The following CAMK2D variants were observed in gnomAD, a reference collection of about 807,000 sequenced individuals.
The protein encoded by CAMK2D is calcium/calmodulin-dependent protein kinase type II subunit delta.
Under a neutral mutation model 84.0 loss-of-function variants are expected in CAMK2D, and 37 were observed. The ratio of observed to expected loss-of-function variants is 0.44; its 90% CI spans 0.34 to 0.58. The LOEUF (loss-of-function observed/expected upper bound fraction) is 0.58. CAMK2D is among the 20% of genes least tolerant of loss of function. The pLI is 0.02. For missense variants in CAMK2D, 448 were observed against 652.5 expected, an observed-to-expected ratio of 0.69 and a Z score of 3.41; for synonymous variants, 202 against 212.5, an observed-to-expected ratio of 0.95 and a Z score of 0.43.
chr4:113,476,629 C>A (rs976138820), intron 16 of CAMK2D, among the ~76,000 whole-genome samples: 4 of 152,142 alleles, frequency 2.6e-5, no homozygotes, highest in Non-Finnish European at 2.9e-5. Context: ...ATGGTAGAGT[C>A]TTGAATTTGC....
intron 2 of CAMK2D, among the ~76,000 whole-genome samples, chr4:113,681,726 C>T (rs944714619): frequency 6.6e-6 from 1 of 152,092 alleles, no homozygotes; most frequent in East Asian, 1.9e-4. Context: ...ATCATAACTG[C>T]AGGGGCAAAG....
intron 4 of CAMK2D, among the ~76,000 whole-genome samples, chr4:113,599,738 C>T (rs947138824): frequency 2.0e-4 from 30 of 152,178 alleles, no homozygotes; most frequent in African/African-American, 6.7e-4. Context: ...ATACTGTATT[C>T]TTAAAATAAA....
chr4:113,640,235 G>A (rs756012030), intron 3 of CAMK2D, among the ~76,000 whole-genome samples: 1 of 152,138 alleles, frequency 6.6e-6, no homozygotes, highest in Non-Finnish European at 1.5e-5. Flanking sequence ...CCACTAGCTA[G>A]TAGGAAACGT....
At chr4:113,712,074 C>A (rs7439653) in intron 2 of CAMK2D, among the ~76,000 whole-genome samples, 30,830 of 151,980 alleles carry the variant, frequency 0.2, 6,217 homozygotes, top group African/African-American at 0.52. Flanking sequence ...GAAATTCATT[C>A]TTTTAGTGTA....
At chr4:113,483,712 A>AT (rs1216090116) in intron 16 of CAMK2D, among the ~76,000 whole-genome samples, 2 of 151,896 alleles carry the variant, frequency 1.3e-5, no homozygotes, top group South Asian at 2.1e-4. Context: ...GGCCGTATTT[A>AT]TTTTTTTAAT....
chr4:113,639,889 C>T (rs770409678), intron 3 of CAMK2D, among the ~76,000 whole-genome samples: 1 of 151,818 alleles, frequency 6.6e-6, no homozygotes, highest in Non-Finnish European at 1.5e-5. Flanking sequence ...GTGACAGATC[C>T]GAGTTGCATT....
chr4:113,751,547 G>A (rs1382547410), intron 2 of CAMK2D, among the ~76,000 whole-genome samples: 1 of 152,124 alleles, frequency 6.6e-6, no homozygotes, highest in Non-Finnish European at 1.5e-5. Context: ...CTAAGTGGGT[G>A]GATCACGAGG....
Position 113,512,353 on chromosome 4 carries a change from C to T in CAMK2D, c.946+975G>A, listed in dbSNP as rs538024431. Reference sequence around the variant, plus strand: ...AGTGACGCTTACAATAAAGAAATGGCTTGGCTTCTTTAAGCCTATTATTTA... The same window carrying T: ...AGTGACGCTTACAATAAAGAAATGGTTTGGCTTCTTTAAGCCTATTATTTA... On this transcript the variant is annotated intron_variant, in intron 12 of 20. Coordinates refer to ENST00000511664, the MANE Select transcript of CAMK2D (RefSeq NM_001321571.2). Among the ~76,000 whole-genome samples the T allele has an allele frequency of 2.6e-5, 4 of 152,300 alleles. No individual in the cohort carries two copies. In the South Asian group the frequency reaches 8.3e-4, roughly 32 times the overall value.
intron 16 of CAMK2D, among the ~76,000 whole-genome samples, chr4:113,483,176 A>T (rs2097722287): frequency 6.6e-6 from 1 of 152,238 alleles, no homozygotes; most frequent in South Asian, 2.1e-4. Flanking sequence ...TTCATTGAAG[A>T]GGATACTATA....
intron 2 of CAMK2D, among the ~76,000 whole-genome samples, chr4:113,757,551 T>C (rs1015238528): frequency 4.6e-5 from 7 of 152,080 alleles, no homozygotes; most frequent in African/African-American, 1.4e-4. Context: ...TTAAGAAACT[T>C]GCCCAAAGTC....
At chr4:113,635,975 A>G (rs926774078) in intron 3 of CAMK2D, among the ~76,000 whole-genome samples, 4 of 152,230 alleles carry the variant, frequency 2.6e-5, no homozygotes, top group Non-Finnish European at 5.9e-5. Context: ...AATATTTTAA[A>G]TAACATTCCT....
chr4:113,541,224 G>A (rs2098528069), intron 6 of CAMK2D, among the ~76,000 whole-genome samples: 1 of 152,156 alleles, frequency 6.6e-6, no homozygotes, highest in Admixed American at 6.5e-5. Context: ...ATGAGGTAGG[G>A]AGGCCCAAAA....
In CAMK2D at chr4:113,679,367, TCTA is replaced by T. The variant is rs1234836696; in HGVS notation, c.161-17598_161-17596del. ...CAAAATTTAGACTCTTATCCTCTTC[TCTA>T]CTAACACATGCGGTTGTTTTTTAAA... On this transcript the variant is annotated intron_variant, in intron 2 of 20. Transcript: ENST00000511664. The T allele has an allele frequency of 1.9e-5, 11 of 584,010 alleles. No individual in the cohort carries two copies. In the African/African-American group the frequency reaches 2.2e-4, roughly 12 times the overall value. The allele number at this position is 584,010 out of a possible 1,614,324, so 36.2% of individuals were successfully genotyped here.
At chr4:113,600,349 T>G (rs2098946573) in intron 4 of CAMK2D, among the ~76,000 whole-genome samples, 1 of 152,196 alleles carries the variant, frequency 6.6e-6, no homozygotes, top group Non-Finnish European at 1.5e-5. Context: ...TTATAACTAA[T>G]GTACTAATGT....
At chr4:113,658,620 C>T (rs567931809) in intron 3 of CAMK2D, among the ~76,000 whole-genome samples, 5 of 152,260 alleles carry the variant, frequency 3.3e-5, no homozygotes, top group Admixed American at 1.3e-4. Flanking sequence ...GCTTTGTTTA[C>T]TGCCTGTCTC....
At chr4:113,542,314 C>T (rs1039078390) in intron 6 of CAMK2D, among the ~76,000 whole-genome samples, 1 of 152,166 alleles carries the variant, frequency 6.6e-6, no homozygotes. Flanking sequence ...TGATGTGTTC[C>T]TTAAACTTTT....
chr4:113,517,127 A>G (rs1323348566), intron 9 of CAMK2D, among the ~76,000 whole-genome samples: 1 of 152,054 alleles, frequency 6.6e-6, no homozygotes, highest in Non-Finnish European at 1.5e-5. Flanking sequence ...ACAAAAAACA[A>G]AACCCAGAAA....
chr4:113,759,967 T>C (rs1160302741), intron 1 of CAMK2D, among the ~76,000 whole-genome samples: 1 of 152,232 alleles, frequency 6.6e-6, no homozygotes, highest in Admixed American at 6.5e-5. Flanking sequence ...TTCCGACATA[T>C]TCTCCATGTT....
At chr4:113,619,607 T>C (rs1296510126) in intron 3 of CAMK2D, among the ~76,000 whole-genome samples, 1 of 152,198 alleles carries the variant, frequency 6.6e-6, no homozygotes, top group African/African-American at 2.4e-5. Flanking sequence ...GCCTTTGCAC[T>C]TGATGTTTCC....
Sources: gnomAD v4.1 joint callset for allele counts (sites outside exome capture counted in the v4.1 genomes callset) on GRCh38, gnomAD v4.1.1 for gene constraint, MANE v1.5 for transcripts, NCBI Gene and HGNC (gene_info 2026-07-23, HGNC 2026-07-21) for gene names.